Variants in MBNL1 observed in about 807,000 individuals in gnomAD.
MBNL1 encodes muscleblind like splicing regulator 1, also known as muscleblind-like protein 1.
In MBNL1, 8 loss-of-function variants were observed where a neutral mutation model predicts 42.2. The ratio of observed to expected loss-of-function variants is 0.19; its 90% confidence interval spans 0.11 to 0.34. MBNL1 has a LOEUF of 0.34. MBNL1 is among the 10% of genes least tolerant of loss of function. The pLI is 1.00. For synonymous variants in MBNL1, 169 were observed against 173.9 expected, an observed-to-expected ratio of 0.97 and a Z score of 0.22; for missense variants, 309 against 495.3, an observed-to-expected ratio of 0.62 and a Z score of 3.57.
At chr3:152,253,278 T>C (rs994487781) in intron 2 of MBNL1, among the ~76,000 whole-genome samples, 6 of 152,200 alleles carry the variant, frequency 3.9e-5, no homozygotes, top group Admixed American at 3.3e-4. Flanking sequence ...AGGCCAACAG[T>C]ATCCTTAATT....
chr3:152,426,436 G>A lies in MBNL1; in HGVS notation c.346-6281G>A, dbSNP rs1326437382. Among the ~76,000 whole-genome samples, 5 of 152,160 alleles carry A rather than the reference G, an allele frequency of 3.3e-5. No individual in the cohort carries two copies. In the East Asian group the frequency reaches 9.6e-4, roughly 29 times the overall value. On this transcript the variant is annotated intron_variant, in intron 3 of 9. Transcript: ENST00000324210. ...TTTACTTTGTCACATACTGTCTGGT[G>A]CAAATTTTGTCTGATGAAAAATTGG...
chr3:152,310,338 A>T (rs142548053), intron 2 of MBNL1, among the ~76,000 whole-genome samples: 1 of 152,224 alleles, frequency 6.6e-6, no homozygotes, highest in South Asian at 2.1e-4. Context: ...TAAAGAAGCT[A>T]AGAACAATTA....
At chr3:152,442,039 C>A (rs2099152197) in intron 4 of MBNL1, among the ~76,000 whole-genome samples, 2 of 152,272 alleles carry the variant, frequency 1.3e-5, no homozygotes, top group South Asian at 4.1e-4. Context: ...GTGATCCACC[C>A]ACCTCAGCCT....
chr3:152,397,967 CAT>C (rs2098050565), intron 2 of MBNL1, among the ~76,000 whole-genome samples: 7 of 152,176 alleles, frequency 4.6e-5, no homozygotes, highest in Admixed American at 4.6e-4. Context: ...TCACTTGCTA[CAT>C]AGTCTTTTCA....
rs141123012 is a variant in MBNL1, at chr3:152,340,555, A to G, written c.174+40188A>G. The stretch of plus-strand genomic sequence containing the variant: ...ATTCTTCATGAGTCCAAGCTGAGAC[A>G]TAGCTACAACTGACAGGATCTGTTC... On this transcript the variant is annotated intron_variant, in intron 2 of 9. Transcript: ENST00000324210. 3,878 of 1,612,452 alleles carry G rather than the reference A, an allele frequency of 2.4e-3. 87 individuals carry two copies. In the Admixed American group the frequency reaches 0.043, roughly 18 times the overall value.
intron 2 of MBNL1, among the ~76,000 whole-genome samples, chr3:152,356,879 G>GTGTGTGTGTGTT (rs1437670802): frequency 6.6e-6 from 1 of 151,776 alleles, no homozygotes; most frequent in Non-Finnish European, 1.5e-5. Context: ...GTGTGTGTGT[G>GTGTGTGTGTGTT]TTCTTACTGT....
chr3:152,268,560 GT>G, upstream of MBNL1: 1 of 350,248 alleles, frequency 2.9e-6, no homozygotes, highest in Non-Finnish European at 5.7e-6. Context: ...GCGGGAGGGC[GT>G]CCGGTCTGCA....
At position 152,299,681 on chromosome 3, in the gene MBNL1, C is replaced by A; in HGVS notation, c.-513C>A. 2 of 398,602 alleles carry A rather than the reference C, an allele frequency of 5.0e-6. No homozygotes were observed. Among genetic ancestry groups the A allele is most frequent in the Non-Finnish European group, 8.8e-6 (2 of 226,062 alleles). 24.7% of individuals were successfully genotyped at this position (398,602 alleles called of 1,614,324 possible). On this transcript the variant is annotated 5_prime_UTR_variant, in exon 2 of 10. Coordinates refer to ENST00000324210, the MANE Select transcript of MBNL1 (RefSeq NM_021038.5). Reference sequence around the variant, plus strand: ...CAAGGAGGAAAAAAAAAATCATTTTCTCGATTTTGCTCTAAACTGCTGCAT... The same window carrying A: ...CAAGGAGGAAAAAAAAAATCATTTTATCGATTTTGCTCTAAACTGCTGCAT...
chr3:152,325,762 C>T (rs1452589541), intron 2 of MBNL1, among the ~76,000 whole-genome samples: 4 of 149,016 alleles, frequency 2.7e-5, no homozygotes, highest in Non-Finnish European at 5.9e-5. Context: ...AAAAAAAAAT[C>T]CTTAATTGCT....
At chr3:152,356,656 G>T (rs2095538302) in intron 2 of MBNL1, among the ~76,000 whole-genome samples, 1 of 152,110 alleles carries the variant, frequency 6.6e-6, no homozygotes, top group African/African-American at 2.4e-5. Context: ...TTTTAGTAGA[G>T]ACCGGGTTTC....
At chr3:152,321,116 C>G (rs2076224134) in intron 2 of MBNL1, among the ~76,000 whole-genome samples, 1 of 151,958 alleles carries the variant, frequency 6.6e-6, no homozygotes, top group Admixed American at 6.6e-5. Context: ...CTGAAAAGTT[C>G]TAGAGAGTAA....
At chr3:152,355,274 C>T (rs7615563) in intron 2 of MBNL1, among the ~76,000 whole-genome samples, 2,288 of 152,252 alleles carry the variant, frequency 0.015, 53 homozygotes, top group African/African-American at 0.052. Flanking sequence ...TATTATCTAT[C>T]TTATAGTGTT....
intron 2 of MBNL1, among the ~76,000 whole-genome samples, chr3:152,390,189 A>G (rs943500880): frequency 2.6e-5 from 4 of 151,740 alleles, no homozygotes; most frequent in African/African-American, 9.7e-5. Context: ...TTGTAATAAC[A>G]CTTAGCTTAA....
At chr3:152,257,430 A>G (rs1398075666) in intron 2 of MBNL1, among the ~76,000 whole-genome samples, 5 of 152,060 alleles carry the variant, frequency 3.3e-5, no homozygotes, top group Non-Finnish European at 7.4e-5. Flanking sequence ...CCTTCTCCAG[A>G]GCCAAGAGGC....
intron 2 of MBNL1, among the ~76,000 whole-genome samples, chr3:152,354,394 G>T (rs1185763410): frequency 1.3e-5 from 2 of 152,158 alleles, no homozygotes; most frequent in African/African-American, 4.8e-5. Flanking sequence ...GGTGGAGGCT[G>T]CCGTGAGGCG....
intron 2 of MBNL1, among the ~76,000 whole-genome samples, chr3:152,406,485 T>C (rs1049062979): frequency 6.6e-6 from 1 of 152,132 alleles, no homozygotes; most frequent in Non-Finnish European, 1.5e-5. Context: ...GTCACAAGAA[T>C]GTGTGTGTGA....
chr3:152,410,280 T>A (rs1290504547), intron 2 of MBNL1, among the ~76,000 whole-genome samples: 1 of 152,180 alleles, frequency 6.6e-6, no homozygotes, highest in Non-Finnish European at 1.5e-5. Context: ...TTTGAAAGAC[T>A]AATGAGATAA....
chr3:152,267,064 A>G (rs1168013078), upstream of MBNL1: 1 of 152,292 alleles, frequency 6.6e-6, no homozygotes, highest in Non-Finnish European at 1.5e-5. Context: ...GAAGGCTGGC[A>G]GACCCCTTGT....
At chr3:152,373,304 G>T (rs1348000165) in intron 2 of MBNL1, among the ~76,000 whole-genome samples, 1 of 137,024 alleles carries the variant, frequency 7.3e-6, no homozygotes, top group Non-Finnish European at 1.5e-5. Flanking sequence ...AGAGTGAACA[G>T]TTCTGTCGCT....
Sources: gnomAD v4.1 joint callset for allele counts (sites outside exome capture counted in the v4.1 genomes callset) on GRCh38, gnomAD v4.1.1 for gene constraint, MANE v1.5 for transcripts, NCBI Gene and HGNC (gene_info 2026-07-23, HGNC 2026-07-21) for gene names.